Variants in EPHA7 observed in about 807,000 individuals in gnomAD.
The protein encoded by EPHA7 is ephrin type-A receptor 7.
EPHA7 carries 25 observed loss-of-function variants against 112.6 expected under a neutral mutation model. The observed-to-expected ratio is 0.22, with a 90% CI of 0.16 to 0.31. The LOEUF is 0.31. Among genes scored for constraint, EPHA7 ranks in the 10% least tolerant of loss-of-function variants. The pLI is 1.00. For synonymous variants in EPHA7, 437 were observed against 406.5 expected, an observed-to-expected ratio of 1.07 and a Z score of -0.90; for missense variants, 962 against 1,212.6, an observed-to-expected ratio of 0.79 and a Z score of 3.07.
At chr6:93,341,975 G>A (rs1398837413) in intron 5 of EPHA7, among the ~76,000 whole-genome samples, 1 of 151,794 alleles carries the variant, frequency 6.6e-6, no homozygotes, top group African/African-American at 2.4e-5. Flanking sequence ...TTCAGGGCCT[G>A]CCTGGTGAAA....
chr6:93,263,285 C>T (rs1770774494), intron 9 of EPHA7, among the ~76,000 whole-genome samples: 1 of 151,160 alleles, frequency 6.6e-6, no homozygotes, highest in Non-Finnish European at 1.5e-5. Flanking sequence ...TATTTGGGTC[C>T]CTAAGCTTTC....
At chr6:93,397,011 T>C (rs1778209577) in intron 3 of EPHA7, among the ~76,000 whole-genome samples, 1 of 151,724 alleles carries the variant, frequency 6.6e-6, no homozygotes, top group Admixed American at 6.6e-5. Context: ...AGTGTTACTG[T>C]TTTCATTAAA....
intron 9 of EPHA7, among the ~76,000 whole-genome samples, 194 bp downstream of exon 9, chr6:93,263,666 C>A (rs1244673305): frequency 2.0e-5 from 3 of 151,308 alleles, no homozygotes; most frequent in Admixed American, 6.6e-5. Flanking sequence ...CATTTCTGAA[C>A]ATATTTTATT....
intron 3 of EPHA7, among the ~76,000 whole-genome samples, chr6:93,397,010 G>A (rs1319705188): frequency 6.6e-6 from 1 of 151,404 alleles, no homozygotes; most frequent in Non-Finnish European, 1.5e-5. Context: ...TAGTGTTACT[G>A]TTTTCATTAA....
At chr6:93,365,057 C>T (rs1325659293) in intron 3 of EPHA7, among the ~76,000 whole-genome samples, 2 of 152,178 alleles carry the variant, frequency 1.3e-5, no homozygotes, top group Non-Finnish European at 2.9e-5. Context: ...CTTCTCCCAT[C>T]TCTCCACTTC....
At chr6:93,361,370 CA>C (rs11395474) in intron 3 of EPHA7, among the ~76,000 whole-genome samples, 1 of 150,602 alleles carries the variant, frequency 6.6e-6, no homozygotes, top group African/African-American at 2.4e-5. Flanking sequence ...CAAGAACATG[CA>C]AAAAAAACAA....
intron 3 of EPHA7, among the ~76,000 whole-genome samples, chr6:93,376,984 T>C (rs1562137589): frequency 6.6e-6 from 1 of 152,108 alleles, no homozygotes; most frequent in Non-Finnish European, 1.5e-5. Context: ...CATGAGGAAA[T>C]CAAAGATCCA....
chr6:93,382,401 G>C (rs1253824221), intron 3 of EPHA7, among the ~76,000 whole-genome samples: 1 of 152,144 alleles, frequency 6.6e-6, no homozygotes, highest in Non-Finnish European at 1.5e-5. Flanking sequence ...GATCTGACAG[G>C]AAAAGGAGCG....
chr6:93,385,902 A>C (rs1777578477), intron 3 of EPHA7, among the ~76,000 whole-genome samples: 1 of 152,216 alleles, frequency 6.6e-6, no homozygotes. Context: ...GTCCTTCTTC[A>C]CATGGCAGCA....
chr6:93,310,070 CTAAAAAGAGGTA>C (rs1214997638), intron 5 of EPHA7, among the ~76,000 whole-genome samples: 1 of 151,920 alleles, frequency 6.6e-6, no homozygotes, highest in African/African-American at 2.4e-5. Context: ...AGAATGAAGA[CTAAAAAGAGGTA>C]TGTTTTTGAA....
At chr6:93,277,650 C>T (rs1289593967) in intron 5 of EPHA7, among the ~76,000 whole-genome samples, 1 of 151,580 alleles carries the variant, frequency 6.6e-6, no homozygotes, top group African/African-American at 2.4e-5. Context: ...TTGAAAAAAT[C>T]GGTGGAAGAG....
rs1200600082 is a variant in EPHA7 at position 93,242,664 on chromosome 6, T to C, written c.*762A>G. ...TGTTAAAAGTGCCTTATAGTATGTA[T>C]GGATCATTATTGCTTTTTTCATTGA... On this transcript the variant is annotated 3_prime_UTR_variant, in exon 17 of 17. Coordinates refer to ENST00000369303, the MANE Select transcript of EPHA7 (RefSeq NM_004440.4). The C allele has an allele frequency of 2.7e-5, 6 of 220,712 alleles. No individual in the cohort carries two copies. Among genetic ancestry groups the C allele is most frequent in the Non-Finnish European group, 5.5e-5 (6 of 110,020 alleles). 13.7% of individuals were successfully genotyped at this position (220,712 alleles called of 1,614,324 possible).
Position 93,410,955 on chromosome 6 carries a change from G to C in EPHA7, c.378C>G (p.Tyr126Ter). The C allele has an allele frequency of 6.2e-7, 1 of 1,613,930 alleles. No homozygotes were observed. The change falls in exon 3 of 17, where the codon TAC becomes TAG. Residue 126 changes from tyrosine to a stop codon, truncating the protein, a stop_gained. Coordinates refer to ENST00000369303, the MANE Select transcript of EPHA7 (RefSeq NM_004440.4). LOFTEE classifies it high-confidence loss of function. The surrounding 1 kb of genome is among the most constrained non-coding windows in gnomAD (Gnocchi z 4.0). The stretch of plus-strand genomic sequence containing the variant: ...CAGTGTCATAGTCTGTTTCATAATA[G>C]TACAAATTAAATGTTTCCTTGCAAG... Reference protein sequence around the residue: ...LGTCKETFNLYYYETDYDTGR... With the variant: ...LGTCKETFNL
chr6:93,390,104 T>C (rs959763587), intron 3 of EPHA7, among the ~76,000 whole-genome samples: 7 of 151,802 alleles, frequency 4.6e-5, no homozygotes, highest in Non-Finnish European at 1.0e-4. Flanking sequence ...CAATGGAAAG[T>C]AAACCACATC....
At chr6:93,293,270 C>A (rs951038086) in intron 5 of EPHA7, among the ~76,000 whole-genome samples, 4 of 151,498 alleles carry the variant, frequency 2.6e-5, no homozygotes, top group Non-Finnish European at 5.9e-5. Flanking sequence ...TTAAAACAAT[C>A]AAATTTTAGT....
At chr6:93,371,274 A>C (rs1428048204) in intron 3 of EPHA7, among the ~76,000 whole-genome samples, 1 of 152,220 alleles carries the variant, frequency 6.6e-6, no homozygotes, top group Non-Finnish European at 1.5e-5. Context: ...AAAATAACAA[A>C]AAATAATGCA....
In EPHA7 at chr6:93,257,506, C is replaced by T; in HGVS notation, c.2128G>A (p.Val710Ile). 6.2e-6 allele frequency: 10 copies of T among 1,610,560 alleles called. No homozygotes were observed. Among genetic ancestry groups the T allele is most frequent in the Non-Finnish European group, 7.6e-6 (9 of 1,178,258 alleles). Residue 710 changes from valine (V) to isoleucine (I), a missense_variant, in exon 12 of 17, where the codon GTA becomes ATA. By Grantham distance (29) the Val-to-Ile change is conservative (BLOSUM62 3). This residue lies in a region of EPHA7 where 746 missense variants were observed against 889.2 expected (regional missense o/e 0.84). Transcript: ENST00000369303. Reference sequence around the variant, plus strand: ...GCTCCATTTTCCATGAACTCTATTACTATCATGACTGGTTTCCCTAAAATT... The same window carrying T: ...GCTCCATTTTCCATGAACTCTATTATTATCATGACTGGTTTCCCTAAAATT... ...VVTRGKPVMI[V>I]IEFMENGALD... is the part of the protein sequence containing the mutation.
At chr6:93,344,506 TTG>T (rs1266628922) in intron 5 of EPHA7, among the ~76,000 whole-genome samples, 1 of 151,720 alleles carries the variant, frequency 6.6e-6, no homozygotes, top group Non-Finnish European at 1.5e-5. Context: ...CTGATAAATG[TTG>T]TATGAAATCA....
chr6:93,248,526 A>G lies in EPHA7; in HGVS notation c.2533-1541T>C, dbSNP rs139197708. On this transcript the variant is annotated intron_variant, in intron 14 of 16. Transcript: ENST00000369303. ...ATTAAACTTTTCATCTGAATTGTCCATAGGTACCTCCCCTGTATATATTTA... is the reference window on the plus strand; with the variant it reads ...ATTAAACTTTTCATCTGAATTGTCCGTAGGTACCTCCCCTGTATATATTTA... Among the ~76,000 whole-genome samples, 1,251 of 152,172 alleles carry G rather than the reference A, an allele frequency of 8.2e-3. 26 individuals carry two copies. Among genetic ancestry groups the G allele is most frequent in the African/African-American group, 0.029 (1,186 of 41,514 alleles).
Sources: gnomAD v4.1 joint callset for allele counts (sites outside exome capture counted in the v4.1 genomes callset) on GRCh38, gnomAD v4.1.1 for gene constraint, gnomAD v4.1.1 regional missense constraint, Gnocchi (gnomAD v3.1) non-coding constraint, MANE v1.5 for transcripts, NCBI Gene and HGNC (gene_info 2026-07-23, HGNC 2026-07-21) for gene names.